The following HERC2 variants were observed in gnomAD, a reference collection of about 807,000 sequenced individuals.
The protein encoded by HERC2 is HECT and RLD domain containing E3 ubiquitin protein ligase 2.
HERC2 carries 102 observed loss-of-function variants against 537.7 expected under a neutral mutation model. The observed-to-expected ratio is 0.19, with a 90% CI of 0.16 to 0.22. The LOEUF is 0.22. Ranked by LOEUF, HERC2 falls within the 10% of genes least tolerant of loss-of-function variation. HERC2 has a pLI of 1.00. For synonymous variants in HERC2, 2,224 were observed against 2,466.2 expected (o/e 0.90, Z 2.91); for missense variants, 4,236 against 6,198.2 (o/e 0.68, Z 10.63).
At chr15:28,315,138 A>G (rs1254572631) in intron 2 of HERC2, among the ~76,000 whole-genome samples, 4 of 152,252 alleles carry the variant, frequency 2.6e-5, no homozygotes, top group Non-Finnish European at 5.9e-5. Context: ...TGGCTTTTCC[A>G]GAAGGTCTGC....
At chr15:28,263,875 T>C (rs904616513) in intron 14 of HERC2, among the ~76,000 whole-genome samples, 1 of 151,528 alleles carries the variant, frequency 6.6e-6, no homozygotes. Context: ...GTACTAAAAA[T>C]ACAGAAATTA....
At chr15:28,218,017 C>A (rs1267682753) in intron 38 of HERC2, among the ~76,000 whole-genome samples, 1 of 151,868 alleles carries the variant, frequency 6.6e-6, no homozygotes, top group African/African-American at 2.4e-5. Flanking sequence ...TTGCAAAATT[C>A]GTATGTTGAA....
Position 28,193,103 on chromosome 15 carries a change from T to C in HERC2, c.8261-952A>G, listed in dbSNP as rs75202996. The stretch of plus-strand genomic sequence containing the variant: ...CTTAGCCTCAAAATGAGTCAAGAAA[T>C]AACTTTTTAAATACAATGTCCAGTA... On this transcript the variant is annotated intron_variant, in intron 52 of 92. Transcript: ENST00000261609. Among the ~76,000 whole-genome samples, 455 of 152,248 alleles carry C rather than the reference T, an allele frequency of 3.0e-3. 4 individuals are homozygous for C. Among genetic ancestry groups the C allele is most frequent in the African/African-American group, 0.01 (426 of 41,542 alleles).
At chr15:28,300,088 GACAC>G (rs1170919590) in intron 2 of HERC2, among the ~76,000 whole-genome samples, 1 of 148,806 alleles carries the variant, frequency 6.7e-6, no homozygotes, top group Non-Finnish European at 1.5e-5. Context: ...AGAAAAAAAA[GACAC>G]ACACACAAAC....
intron 20 of HERC2, among the ~76,000 whole-genome samples, chr15:28,250,459 AG>A: frequency 6.6e-6 from 1 of 152,296 alleles, no homozygotes; most frequent in Admixed American, 6.5e-5. Context: ...TGAAATTTTT[AG>A]TTTATTTAAT....
intron 6 of HERC2, among the ~76,000 whole-genome samples, chr15:28,274,691 G>C (rs2075824983): frequency 6.6e-6 from 1 of 152,190 alleles, no homozygotes; most frequent in Non-Finnish European, 1.5e-5. Flanking sequence ...GGTTGACGTG[G>C]GGGTGGGGGT....
intron 2 of HERC2, among the ~76,000 whole-genome samples, chr15:28,309,428 G>C (rs564500978): frequency 2.6e-4 from 40 of 152,072 alleles, no homozygotes; most frequent in Admixed American, 6.6e-4. Context: ...GACTTTTTTG[G>C]TCTCCTTTTA....
In HERC2 at chr15:28,135,763, A is replaced by G. The variant is rs1380959801; in HGVS notation, c.12016-71T>C. 8.1e-6 allele frequency: 9 copies of G among 1,107,948 alleles called. No individual in the cohort carries two copies. The Admixed American group carries it at 1.9e-4, about 24-fold the overall frequency. The allele number at this position is 1,107,948 out of a possible 1,614,324, so 68.6% of individuals were successfully genotyped here. On this transcript the variant is annotated intron_variant, in intron 78 of 92. Coordinates refer to ENST00000261609, the MANE Select transcript of HERC2 (RefSeq NM_004667.6). ...ATCCCCTAAATTTACTAATTCATAA[A>G]CCTAATCCATGCTTTAGACATTTTT... is the stretch of plus-strand genomic sequence containing the variant.
At chr15:28,188,543 T>TA (rs34333172) in intron 55 of HERC2, among the ~76,000 whole-genome samples, 25,626 of 134,940 alleles carry the variant, frequency 0.19, 4,271 homozygotes, top group African/African-American at 0.47. Context: ...GACTCCGTCT[T>TA]AAAAAAAAAA....
intron 3 of HERC2, among the ~76,000 whole-genome samples, chr15:28,296,968 T>C (rs2076486432): frequency 6.6e-6 from 1 of 152,196 alleles, no homozygotes; most frequent in Admixed American, 6.5e-5. Flanking sequence ...TTAAAAGGTG[T>C]GGTTCTCAGT....
At chr15:28,190,881 G>A (rs1343771312) in intron 55 of HERC2, 84 bp downstream of exon 55, 1 of 858,126 alleles carries the variant, frequency 1.2e-6, no homozygotes. Flanking sequence ...GAAAAACTGG[G>A]CTCAATGCTA....
intron 69 of HERC2, among the ~76,000 whole-genome samples, chr15:28,156,026 T>A (rs1892973229): frequency 6.6e-6 from 1 of 152,220 alleles, no homozygotes; most frequent in African/African-American, 2.4e-5. Flanking sequence ...GGGAATCCTT[T>A]CCCCATTTCT....
chr15:28,295,760 T>C (rs1185268947), intron 3 of HERC2, among the ~76,000 whole-genome samples: 1 of 152,188 alleles, frequency 6.6e-6, no homozygotes, highest in East Asian at 1.9e-4. Context: ...TTTTGTGACT[T>C]GCAAACATTC....
chr15:28,115,261 T>TA (rs1374458026), intron 89 of HERC2, 168 bp downstream of exon 89: 28 of 439,920 alleles, frequency 6.4e-5, no homozygotes, highest in Non-Finnish European at 1.0e-4. Flanking sequence ...ATAGATGGTC[T>TA]ATTTTTTTTT....
chr15:28,115,541 C>T lies in HERC2; in HGVS notation c.13610G>A (p.Gly4537Asp), dbSNP rs1888134003. ...TCGGATGGCAATGCCCAGCAACACA[C>T]CTGATCATTCAGGACACAAGTGACA... The part of the protein sequence containing the change: ...PVHSSMFRFL[G>D]VLLGIAIRTG... The change falls in exon 89 of 93, where the codon GGT becomes GAT. Residue 4537 changes from glycine (G) to aspartate (D), a missense_variant and splice_region_variant. Coordinates refer to ENST00000261609, the MANE Select transcript of HERC2 (RefSeq NM_004667.6). The T allele has an allele frequency of 6.2e-7, 1 of 1,610,950 alleles. No individual in the cohort carries two copies. The highest frequency in any genetic ancestry group is 8.5e-7 in the Non-Finnish European group (1 of 1,177,274).
chr15:28,270,684 T>C lies in HERC2; in HGVS notation c.1257+11A>G. 1.2e-6 allele frequency: 2 copies of C among 1,612,072 alleles called. No homozygotes were observed. Among genetic ancestry groups the C allele is most frequent in the Non-Finnish European group, 1.7e-6 (2 of 1,178,544 alleles). On this transcript the variant is annotated intron_variant, in intron 10 of 92. Coordinates refer to ENST00000261609, the MANE Select transcript of HERC2 (RefSeq NM_004667.6). ...CAAAACACATGGAGAACACGGTTCT[T>C]GCACACACACCTTATGAGATGTCGG...
chr15:28,214,018 T>G, intron 41 of HERC2, 46 bp from the exon 42 acceptor site: 4 of 1,610,272 alleles, frequency 2.5e-6, no homozygotes, highest in Non-Finnish European at 3.4e-6. Context: ...CTCACGGAGC[T>G]GCCCAATCCC....
In HERC2 at chr15:28,202,369, G is replaced by A. The variant is rs750027877; in HGVS notation, c.7458C>T (p.Ser2486=). Residue 2486 remains serine (S), a synonymous_variant, in exon 46 of 93, where the codon TCC becomes TCT. Coordinates refer to ENST00000261609, the MANE Select transcript of HERC2 (RefSeq NM_004667.6). ...EFALKSLTGA[S]GNASSLPGVE... The stretch of plus-strand genomic sequence containing the variant: ...TACCAGGCAAGCTGGATGCATTCCC[G>A]GAAGCACCAGTGAGAGACTTCAGGG... The A allele has an allele frequency of 1.6e-5, 26 of 1,613,682 alleles. No homozygotes were observed. In the East Asian group the frequency reaches 2.5e-4, roughly 15 times the overall value.
Position 28,193,776 on chromosome 15 carries a change from G to A in HERC2, c.8261-1625C>T, listed in dbSNP as rs183585292. Among the ~76,000 whole-genome samples, 1,016 of 152,146 alleles carry A rather than the reference G, an allele frequency of 6.7e-3. 11 individuals are homozygous for A. Among genetic ancestry groups the A allele is most frequent in the African/African-American group, 0.023 (935 of 41,486 alleles). ...GAAATAATATAAACCAAATTGCAAT[G>A]GAATACTATTTTTAAAGTGGTGAAA... On this transcript the variant is annotated intron_variant, in intron 52 of 92. Transcript: ENST00000261609.
Sources: allele counts gnomAD v4.1 joint callset (sites outside exome capture counted in the v4.1 genomes callset), GRCh38; gene constraint gnomAD v4.1.1; transcripts MANE v1.5; gene names NCBI Gene and HGNC (gene_info 2026-07-23, HGNC 2026-07-21).